AKT3: variants seen among roughly 807,000 people sequenced by gnomAD.
The protein encoded by AKT3 is RAC-gamma serine/threonine-protein kinase.
A neutral mutation model predicts 65.3 loss-of-function variants in AKT3; 15 were observed. The observed-to-expected ratio is 0.23, with a 90% CI of 0.15 to 0.35. The LOEUF (loss-of-function observed/expected upper bound fraction) is 0.35, where lower values mean the gene tolerates loss of function less well. AKT3 is among the 10% of genes least tolerant of loss of function. The pLI is 1.00. For synonymous variants in AKT3, 206 were observed against 183.8 expected (o/e 1.12, Z -0.98); for missense variants, 243 against 576.5 (o/e 0.42, Z 5.92).
chr1:243,785,922 G>A (rs868566480), intron 2 of AKT3, among the ~76,000 whole-genome samples: 37 of 152,330 alleles, frequency 2.4e-4, no homozygotes, highest in African/African-American at 8.9e-4. Flanking sequence ...CAGGAAAGAA[G>A]ACAAAGTGGA....
At position 243,836,600 on chromosome 1, in the gene AKT3, T is replaced by C. The variant is rs557359543; in HGVS notation, c.46+6525A>G. On this transcript the variant is annotated intron_variant, in intron 2 of 13. Transcript: ENST00000673466. ...CAGACCAAATGATAAGACCACATAA[T>C]GGATCATTTAAAAAATCATTAAAAA... is the stretch of plus-strand genomic sequence containing the variant. Among the ~76,000 whole-genome samples, 360 of 152,186 alleles carry C rather than the reference T, an allele frequency of 2.4e-3. 2 individuals carry two copies. The highest frequency in any genetic ancestry group is 8.5e-3 in the African/African-American group (353 of 41,538).
rs531152384 is a variant in AKT3 at position 243,642,860 on chromosome 1, T to C, written c.429+3033A>G. 2.2e-4 allele frequency among the ~76,000 whole-genome samples: 34 copies of C among 152,196 alleles called. No homozygotes were observed. The South Asian group carries it at 6.8e-3, about 31-fold the overall frequency. On this transcript the variant is annotated intron_variant, in intron 5 of 13. Transcript: ENST00000673466. ...CCACAAATTAGATTAAAAATAAACA[T>C]ATAATCAATGAGGAACATAAAGAAC...
In AKT3 at chr1:243,615,415, T is replaced by C. The variant is rs180860990; in HGVS notation, c.562-254A>G. Reference sequence around the variant, plus strand: ...CTTAATCAAAGTATATCAATAATGATACAAAAATCAGTCAGAAAATTATCA... The same window carrying C: ...CTTAATCAAAGTATATCAATAATGACACAAAAATCAGTCAGAAAATTATCA... On this transcript the variant is annotated intron_variant, in intron 6 of 13. Transcript: ENST00000673466. Among the ~76,000 whole-genome samples, 582 of 152,266 alleles carry C rather than the reference T, an allele frequency of 3.8e-3. 3 individuals are homozygous for C. The highest frequency in any genetic ancestry group is 6.6e-3 in the Non-Finnish European group (451 of 67,980).
At chr1:243,725,279 AG>A (rs975005199) in intron 2 of AKT3, among the ~76,000 whole-genome samples, 1 of 152,164 alleles carries the variant, frequency 6.6e-6, no homozygotes, top group African/African-American at 2.4e-5. Context: ...CAGTTTCAGA[AG>A]GAAGAGTTTA....
chr1:243,581,973 C>T (rs1675397771), intron 8 of AKT3, among the ~76,000 whole-genome samples: 1 of 151,542 alleles, frequency 6.6e-6, no homozygotes, highest in African/African-American at 2.4e-5. Flanking sequence ...AATAGACCGG[C>T]CCAAGCAGAA....
At chr1:243,651,743 C>T (rs925042552) in intron 4 of AKT3, among the ~76,000 whole-genome samples, 3 of 152,180 alleles carry the variant, frequency 2.0e-5, no homozygotes, top group African/African-American at 7.2e-5. Flanking sequence ...AGGGATGAAG[C>T]TGACTTGATC....
At chr1:243,847,741 A>G (rs1695578771) in intron 1 of AKT3, among the ~76,000 whole-genome samples, 1 of 152,294 alleles carries the variant, frequency 6.6e-6, no homozygotes, top group South Asian at 2.1e-4. Flanking sequence ...TGAAATGTAA[A>G]TATTAAAAGT....
intron 2 of AKT3, among the ~76,000 whole-genome samples, chr1:243,778,961 T>C (rs953094175): frequency 6.6e-6 from 1 of 152,070 alleles, no homozygotes; most frequent in African/African-American, 2.4e-5. Context: ...ATCCTACCAT[T>C]CTTTTTCGAC....
At chr1:243,781,120 T>A (rs1319948339) in intron 2 of AKT3, among the ~76,000 whole-genome samples, 1 of 152,116 alleles carries the variant, frequency 6.6e-6, no homozygotes, top group East Asian at 1.9e-4. Flanking sequence ...TTTTTTTCTA[T>A]GGAAAAAATT....
chr1:243,546,383 A>G (rs1672679029), intron 11 of AKT3, among the ~76,000 whole-genome samples: 1 of 149,088 alleles, frequency 6.7e-6, no homozygotes, highest in South Asian at 2.2e-4. Context: ...AGTATATATT[A>G]CTAAGCATAA....
intron 2 of AKT3, among the ~76,000 whole-genome samples, chr1:243,803,010 T>C (rs992101724): frequency 2.0e-5 from 3 of 152,064 alleles, no homozygotes; most frequent in African/African-American, 4.8e-5. Context: ...TTAGCAGGCA[T>C]GGTTGCATAC....
intron 11 of AKT3, among the ~76,000 whole-genome samples, chr1:243,550,481 T>C (rs1439063212): frequency 6.6e-6 from 1 of 151,712 alleles, no homozygotes; most frequent in Admixed American, 6.6e-5. Context: ...TAAAAAAAAA[T>C]GAATGAGACA....
At chr1:243,630,218 C>G (rs1484947002) in intron 6 of AKT3, among the ~76,000 whole-genome samples, 1 of 152,172 alleles carries the variant, frequency 6.6e-6, no homozygotes, top group Non-Finnish European at 1.5e-5. Context: ...TACTTTACAG[C>G]CAATATCCCC....
chr1:243,736,176 C>T (rs1687832344), intron 2 of AKT3, among the ~76,000 whole-genome samples: 1 of 152,094 alleles, frequency 6.6e-6, no homozygotes, highest in South Asian at 2.1e-4. Context: ...GATAACAATC[C>T]CTCTGAAACT....
At position 243,785,457 on chromosome 1, in the gene AKT3, G is replaced by GT. The variant is rs111480733; in HGVS notation, c.46+57667dup. Among the ~76,000 whole-genome samples, 513 of 149,306 alleles carry GT rather than the reference G, an allele frequency of 3.4e-3. 3 individuals are homozygous for GT. Among genetic ancestry groups the GT allele is most frequent in the Non-Finnish European group, 5.7e-3 (380 of 67,086 alleles). Reference sequence around the variant, plus strand: ...CTTTTGTTTACAATAGAGAATCAACGTTTTTTTTTTACTACTTATAGTTTA... The same window carrying GT: ...CTTTTGTTTACAATAGAGAATCAACGTTTTTTTTTTTACTACTTATAGTTTA... On this transcript the variant is annotated intron_variant, in intron 2 of 13. Coordinates refer to ENST00000673466, the MANE Select transcript of AKT3 (RefSeq NM_005465.7).
chr1:243,806,589 A>G (rs1692740463), intron 2 of AKT3, among the ~76,000 whole-genome samples: 1 of 152,200 alleles, frequency 6.6e-6, no homozygotes, highest in South Asian at 2.1e-4. Flanking sequence ...AAGTACTTTC[A>G]GACTACAACT....
chr1:243,743,333 C>T (rs1688280026), intron 2 of AKT3, among the ~76,000 whole-genome samples: 2 of 152,258 alleles, frequency 1.3e-5, no homozygotes, highest in Admixed American at 1.3e-4. Context: ...AAAGAAATTT[C>T]CTGGAGAAGA....
chr1:243,802,778 GAGTT>G (rs1393097445), intron 2 of AKT3, among the ~76,000 whole-genome samples: 5 of 152,272 alleles, frequency 3.3e-5, no homozygotes, highest in Non-Finnish European at 7.4e-5. Context: ...GTTACCAAAA[GAGTT>G]AGGACTAAAA....
At chr1:243,514,719 G>C (rs1053750427) in intron 12 of AKT3, among the ~76,000 whole-genome samples, 4 of 152,172 alleles carry the variant, frequency 2.6e-5, no homozygotes, top group African/African-American at 9.7e-5. Context: ...CCAGCTACTT[G>C]GGAGGCTGAC....
Sources: allele counts gnomAD v4.1 joint callset (sites outside exome capture counted in the v4.1 genomes callset), GRCh38; gene constraint gnomAD v4.1.1; transcripts MANE v1.5; gene names NCBI Gene and HGNC (gene_info 2026-07-23, HGNC 2026-07-21).